GABRG3: variants seen among roughly 807,000 people sequenced by gnomAD.
GABRG3 encodes gamma-aminobutyric acid type A receptor subunit gamma3.
Under a neutral mutation model 48.8 loss-of-function variants are expected in GABRG3, and 25 were observed. The observed-to-expected ratio is 0.51, with a 90% confidence interval of 0.37 to 0.72. GABRG3 has a LOEUF of 0.72. Ranked by LOEUF, GABRG3 falls within the 30% of genes least tolerant of loss-of-function variation. The probability of loss-of-function intolerance (pLI) is 0.00; values close to 1 mark genes in which losing one functional copy is unlikely to be tolerated. For synonymous variants in GABRG3, 227 were observed against 217.6 expected (o/e 1.04, Z -0.38); for missense variants, 394 against 577.9 (o/e 0.68, Z 3.26).
chr15:27,198,451 A>G (rs765765363), intron 3 of GABRG3, among the ~76,000 whole-genome samples: 6 of 152,262 alleles, frequency 3.9e-5, no homozygotes, highest in African/African-American at 7.2e-5. Context: ...ATGTGGTACC[A>G]TCTCAAGCCA....
At chr15:27,489,166 A>G (rs1890288967) in intron 6 of GABRG3, among the ~76,000 whole-genome samples, 1 of 152,028 alleles carries the variant, frequency 6.6e-6, no homozygotes, top group African/African-American at 2.4e-5. Flanking sequence ...GCTGAGAATG[A>G]TGGTTTCCAG....
intron 5 of GABRG3, chr15:27,363,594 G>A (rs917591596): frequency 1.3e-5 from 2 of 152,114 alleles, no homozygotes; most frequent in Non-Finnish European, 2.9e-5. Flanking sequence ...TTCAGCAGAG[G>A]GAAAAACTGA....
intron 3 of GABRG3, among the ~76,000 whole-genome samples, chr15:27,082,994 T>A (rs1897016426): frequency 6.6e-6 from 1 of 152,242 alleles, no homozygotes; most frequent in Non-Finnish European, 1.5e-5. Context: ...TATCTTGTGC[T>A]TTATAAAGGC....
intron 3 of GABRG3, among the ~76,000 whole-genome samples, chr15:27,048,180 T>G (rs1896396573): frequency 6.6e-6 from 1 of 152,124 alleles, no homozygotes; most frequent in Non-Finnish European, 1.5e-5. Flanking sequence ...TGCACCCCAC[T>G]GCCCTGGGAG....
intron 5 of GABRG3, among the ~76,000 whole-genome samples, chr15:27,370,994 A>T (rs1374357997): frequency 6.6e-6 from 1 of 152,194 alleles, no homozygotes; most frequent in African/African-American, 2.4e-5. Context: ...GGGAAAACAG[A>T]CATGCAAACG....
chr15:27,397,324 C>A (rs942962792), intron 5 of GABRG3, among the ~76,000 whole-genome samples: 2 of 152,104 alleles, frequency 1.3e-5, no homozygotes, highest in Non-Finnish European at 2.9e-5. Flanking sequence ...GGAAACGATA[C>A]CTGTGGAAAT....
rs1035288071 is a variant in GABRG3 at position 27,051,766 on chromosome 15, A to G, written c.270+24945A>G. Among the ~76,000 whole-genome samples, 31 of 152,222 alleles carry G rather than the reference A, an allele frequency of 2.0e-4. 1 individual carries two copies. The highest frequency in any genetic ancestry group is 6.8e-4 in the African/African-American group (28 of 41,452). ...TTCTATTACTATTATATTGTAATAT[A>G]CAGTGAAATAATTATACAACTTATA... On this transcript the variant is annotated intron_variant, in intron 3 of 9. Coordinates refer to ENST00000615808, the MANE Select transcript of GABRG3 (RefSeq NM_033223.5).
At chr15:27,016,862 G>A (rs1725997865) in intron 2 of GABRG3, among the ~76,000 whole-genome samples, 2 of 151,900 alleles carry the variant, frequency 1.3e-5, no homozygotes, top group Admixed American at 1.3e-4. Flanking sequence ...TCTTCTATCT[G>A]ATCAAGTCTG....
rs146778526 is a variant in GABRG3, at chr15:26,985,466, T to C, written c.202+8316T>C. Among the ~76,000 whole-genome samples the C allele has an allele frequency of 6.9e-4, 105 of 152,334 alleles. No individual in the cohort carries two copies. In the East Asian group the frequency reaches 0.016, roughly 23 times the overall value. ...TAAAACAACTAAAAGCAATAAAATA[T>C]GGGCCTTGAATTATAATTTTTAAAT... On this transcript the variant is annotated intron_variant, in intron 2 of 9. Transcript: ENST00000615808.
intron 6 of GABRG3, among the ~76,000 whole-genome samples, chr15:27,493,448 T>A (rs540104047): frequency 1.3e-5 from 2 of 152,306 alleles, no homozygotes; most frequent in East Asian, 1.9e-4. Context: ...AATGTAGCAA[T>A]GTTTGATAAC....
In GABRG3 at chr15:27,540,632, T is replaced by C. The variant is rs1891643751; in HGVS notation, c.*7751T>C. Reference sequence around the variant, plus strand: ...TTTGATATGTCTAATTTTGTGCTAGTGAACCAAGTTTACCTGCTCACACGT... The same window carrying C: ...TTTGATATGTCTAATTTTGTGCTAGCGAACCAAGTTTACCTGCTCACACGT... On this transcript the variant is annotated 3_prime_UTR_variant, in exon 10 of 10. Coordinates refer to ENST00000615808, the MANE Select transcript of GABRG3 (RefSeq NM_033223.5). 6.6e-6 allele frequency: 1 copy of C among 152,268 alleles called. No homozygotes were observed. The highest frequency in any genetic ancestry group is 1.5e-5 in the Non-Finnish European group (1 of 68,050). The allele number at this position is 152,268 out of a possible 1,614,324, so 9.4% of individuals were successfully genotyped here. A position where few individuals can be genotyped will look rare whatever the true frequency, so the allele number is the denominator to read the frequency against.
intron 3 of GABRG3, among the ~76,000 whole-genome samples, chr15:27,132,309 A>G (rs1180386218): frequency 6.6e-6 from 1 of 151,884 alleles, no homozygotes; most frequent in Non-Finnish European, 1.5e-5. Flanking sequence ...TGTTTGTTGT[A>G]TAAGGTGAAA....
intron 3 of GABRG3, among the ~76,000 whole-genome samples, chr15:27,286,824 G>C (rs952018401): frequency 6.6e-6 from 1 of 152,142 alleles, no homozygotes; most frequent in African/African-American, 2.4e-5. Context: ...GGCAGGGAGA[G>C]CCCCTCCTTT....
chr15:27,529,955 A>G (rs73373613), intron 9 of GABRG3, among the ~76,000 whole-genome samples: 3,388 of 152,206 alleles, frequency 0.022, 123 homozygotes, highest in African/African-American at 0.077. Context: ...AAGAAAAATA[A>G]TTCACAGACA....
chr15:27,248,767 A>AACACACACACACACACACAC (rs150140195), intron 3 of GABRG3, among the ~76,000 whole-genome samples: 4 of 117,084 alleles, frequency 3.4e-5, no homozygotes, highest in African/African-American at 1.1e-4. Context: ...TGAGAAGGAA[A>AACACACACACACACACACAC]ACACACACAC....
chr15:26,981,834 C>T (rs1236259366), intron 2 of GABRG3, among the ~76,000 whole-genome samples: 1 of 152,212 alleles, frequency 6.6e-6, no homozygotes, highest in East Asian at 1.9e-4. Context: ...CTCCATTTTT[C>T]CAAGCCCAGG....
intron 5 of GABRG3, among the ~76,000 whole-genome samples, chr15:27,381,412 A>C (rs1025694874): frequency 1.1e-4 from 17 of 152,338 alleles, no homozygotes; most frequent in Non-Finnish European, 1.8e-4. Flanking sequence ...AGTAAAATTC[A>C]TGAAAGTAGG....
chr15:27,455,308 G>A (rs372443056), intron 5 of GABRG3, among the ~76,000 whole-genome samples: 1 of 152,220 alleles, frequency 6.6e-6, no homozygotes, highest in Non-Finnish European at 1.5e-5. Context: ...CTACTAGTGT[G>A]TATGTGTGCT....
At chr15:27,011,931 C>T (rs927759509) in intron 2 of GABRG3, among the ~76,000 whole-genome samples, 1 of 151,618 alleles carries the variant, frequency 6.6e-6, no homozygotes, top group Admixed American at 6.6e-5. Context: ...TCTTGAAGTT[C>T]TCACATATAG....
Sources: gnomAD v4.1 joint callset for allele counts (sites outside exome capture counted in the v4.1 genomes callset) on GRCh38, gnomAD v4.1.1 for gene constraint, MANE v1.5 for transcripts, NCBI Gene and HGNC (gene_info 2026-07-23, HGNC 2026-07-21) for gene names.